Variants in TNFAIP6 observed in about 807,000 individuals in gnomAD.
The protein encoded by TNFAIP6 is tumor necrosis factor-inducible gene 6 protein.
In TNFAIP6, 36 loss-of-function variants were observed where a neutral mutation model predicts 33.7. The observed-to-expected ratio is 1.07, with a 90% confidence interval of 0.82 to 1.41. The LOEUF (loss-of-function observed/expected upper bound fraction) is 1.41. Ranked by LOEUF, TNFAIP6 falls within the 40% of genes most tolerant of loss-of-function variation. The pLI, the probability that TNFAIP6 is intolerant of heterozygous loss-of-function variation, is 0.00. For synonymous variants in TNFAIP6, 113 were observed against 112.8 expected, an observed-to-expected ratio of 1.00 and a Z score of -0.01; for missense variants, 273 against 331.9, an observed-to-expected ratio of 0.82 and a Z score of 1.38.
rs146352192 is a variant in TNFAIP6 at position 151,358,037 on chromosome 2, A to C, written c.94+277A>C. Among the ~76,000 whole-genome samples, 282 of 152,284 alleles carry C rather than the reference A, an allele frequency of 1.9e-3. 4 individuals are homozygous for C. The highest frequency in any genetic ancestry group is 6.5e-3 in the African/African-American group (271 of 41,562). On this transcript the variant is annotated intron_variant, in intron 1 of 5. Transcript: ENST00000243347. ...ATGAAAATATATTTTTAAACTTTTC[A>C]AAGCAGATGTAGTAGTACAGTGAGG...
Position 151,357,602 on chromosome 2 carries a change from C to A in TNFAIP6, c.-65C>A. On this transcript the variant is annotated 5_prime_UTR_variant, in exon 1 of 6. Transcript: ENST00000243347. ...GAAACCAGATGTTTCAGTCACATTT[C>A]AGCCACTGCTCTGAGAATTTGTGAG... is the stretch of plus-strand genomic sequence containing the variant. 2.0e-6 allele frequency: 2 copies of A among 990,464 alleles called. No individual in the cohort carries two copies. The highest frequency in any genetic ancestry group is 3.2e-6 in the Non-Finnish European group (2 of 617,936). The allele number at this position is 990,464 out of a possible 1,614,324, so 61.4% of individuals were successfully genotyped here. A position where few individuals can be genotyped will look rare whatever the true frequency, so the allele number is the denominator to read the frequency against.
At chr2:151,373,744 CA>C (rs35356355) in intron 5 of TNFAIP6, 155 bp downstream of exon 5, 12,176 of 242,218 alleles carry the variant, frequency 0.05, no homozygotes, top group Middle Eastern at 0.098. Context: ...TTGTAAAATG[CA>C]AAAAAAAAAA....
intron 1 of TNFAIP6, among the ~76,000 whole-genome samples, chr2:151,358,164 A>G (rs1328739864): frequency 6.6e-6 from 1 of 152,220 alleles, no homozygotes; most frequent in African/African-American, 2.4e-5. Flanking sequence ...ATTGGAGTCT[A>G]CGAAAATTTT....
chr2:151,373,594 G>T lies in TNFAIP6; in HGVS notation c.664+5G>T. The T allele has an allele frequency of 6.6e-7, 1 of 1,517,802 alleles. No individual in the cohort carries two copies. Among genetic ancestry groups the T allele is most frequent in the Non-Finnish European group, 8.9e-7 (1 of 1,124,148 alleles). The allele number at this position is 1,517,802 out of a possible 1,614,324, so 94.0% of individuals were successfully genotyped here. A position where few individuals can be genotyped will look rare whatever the true frequency, so the allele number is the denominator to read the frequency against. On this transcript the variant is annotated splice_donor_5th_base_variant and intron_variant, in intron 5 of 5. Coordinates refer to ENST00000243347, the MANE Select transcript of TNFAIP6 (RefSeq NM_007115.4). ...CAGATGACATCATCAGTACAGGTAA[G>T]GTTTTAAATTGAGGACCAAAACTAT...
chr2:151,376,865 C>CTTTT (rs71403162), intron 5 of TNFAIP6, among the ~76,000 whole-genome samples: 2,620 of 114,104 alleles, frequency 0.023, 22 homozygotes, highest in East Asian at 0.048. Context: ...TTTTTCTTTT[C>CTTTT]TTTTTTTTTT....
chr2:151,379,303 A>T, intron 5 of TNFAIP6, 61 bp from the exon 6 acceptor site: 2 of 1,436,206 alleles, frequency 1.4e-6, no homozygotes. Flanking sequence ...GAGTCTTTGA[A>T]TTGTCAGCCA....
At chr2:151,365,991 A>G (rs1318361334) in intron 2 of TNFAIP6, 65 bp from the exon 3 acceptor site, 1 of 1,515,674 alleles carries the variant, frequency 6.6e-7, no homozygotes, top group African/African-American at 1.4e-5. Context: ...TATCTTTGCT[A>G]AGATGACTTT....
rs1393926035 is a variant in TNFAIP6, at chr2:151,379,565, T to C, written c.*32T>C. The C allele has an allele frequency of 2.1e-6, 3 of 1,437,612 alleles. No homozygotes were observed. The highest frequency in any genetic ancestry group is 2.9e-5 in the South Asian group (2 of 68,498). The allele number at this position is 1,437,612 out of a possible 1,614,324, so 89.1% of individuals were successfully genotyped here. On this transcript the variant is annotated 3_prime_UTR_variant, in exon 6 of 6. Coordinates refer to ENST00000243347, the MANE Select transcript of TNFAIP6 (RefSeq NM_007115.4). ...AAAAAAGGATGATCAAAACACACAG[T>C]GTTTATGTTGGAATCTTTTGGAACT...
At chr2:151,378,116 T>C (rs1260601424) in intron 5 of TNFAIP6, among the ~76,000 whole-genome samples, 1 of 152,146 alleles carries the variant, frequency 6.6e-6, no homozygotes, top group Non-Finnish European at 1.5e-5. Context: ...ACCCCAACAT[T>C]TTGGGAAGCT....
chr2:151,359,374 G>A (rs1684584964), intron 1 of TNFAIP6, among the ~76,000 whole-genome samples: 2 of 150,780 alleles, frequency 1.3e-5, no homozygotes, highest in Non-Finnish European at 2.9e-5. Flanking sequence ...GAATTGTCTT[G>A]GGCAACTCAT....
At chr2:151,369,600 C>T (rs1478579250) in intron 3 of TNFAIP6, among the ~76,000 whole-genome samples, 1 of 152,070 alleles carries the variant, frequency 6.6e-6, no homozygotes, top group East Asian at 1.9e-4. Flanking sequence ...ATTGCAAGAT[C>T]CATTTCCACA....
chr2:151,360,065 G>A (rs935157682), intron 1 of TNFAIP6, among the ~76,000 whole-genome samples: 1 of 152,162 alleles, frequency 6.6e-6, no homozygotes, highest in Non-Finnish European at 1.5e-5. Context: ...GGAGTCTGAG[G>A]TGGGCAGATT....
intron 1 of TNFAIP6, 152 bp downstream of exon 1, chr2:151,357,912 C>CT (rs372063583): frequency 0.042 from 14,866 of 355,534 alleles, 48 homozygotes; most frequent in East Asian, 0.1. Flanking sequence ...AATACATACG[C>CT]TTTTTTTTTT....
chr2:151,363,443 G>A (rs1461749445), intron 1 of TNFAIP6, among the ~76,000 whole-genome samples: 1 of 151,820 alleles, frequency 6.6e-6, no homozygotes, highest in Non-Finnish European at 1.5e-5. Flanking sequence ...GGATCACGAG[G>A]TCAGGAGATC....
intron 4 of TNFAIP6, among the ~76,000 whole-genome samples, chr2:151,372,454 G>A (rs1263642840): frequency 3.9e-5 from 6 of 151,920 alleles, no homozygotes; most frequent in Non-Finnish European, 7.4e-5. Flanking sequence ...GTGTAAAAGG[G>A]TTCCTTTCAA....
chr2:151,379,054 C>G (rs371121516), intron 5 of TNFAIP6, among the ~76,000 whole-genome samples: 2 of 152,136 alleles, frequency 1.3e-5, no homozygotes, highest in African/African-American at 2.4e-5. Flanking sequence ...GAGCCGAGAT[C>G]GCGCCACAGC....
chr2:151,372,686 G>A lies in TNFAIP6; in HGVS notation c.624-863G>A, dbSNP rs966071587. On this transcript the variant is annotated intron_variant, in intron 4 of 5. Coordinates refer to ENST00000243347, the MANE Select transcript of TNFAIP6 (RefSeq NM_007115.4). ...CGTAATCCTAGCACTTTGGGAGGCC[G>A]AGGCAGTTGGATCACCTGAGGTCAG... 3.9e-5 allele frequency among the ~76,000 whole-genome samples: 6 copies of A among 152,160 alleles called. 1 individual carries two copies. The highest frequency in any genetic ancestry group is 6.3e-3 in the Middle Eastern group (2 of 316).
In TNFAIP6 at chr2:151,376,871, T is replaced by C. The variant is rs943651595; in HGVS notation, c.665-2493T>C. 8.5e-5 allele frequency among the ~76,000 whole-genome samples: 12 copies of C among 141,982 alleles called. No individual in the cohort carries two copies. The South Asian group carries it at 1.1e-3, about 13-fold the overall frequency. The allele number at this position is 141,982 out of a possible 152,430, so 93.1% of individuals were successfully genotyped here. ...TTACATTTCTTTTTCTTTTCTTTTT[T>C]TTTTTTTTTTTTTTGTTTTTTTTGA... On this transcript the variant is annotated intron_variant, in intron 5 of 5. Transcript: ENST00000243347.
chr2:151,365,783 G>A (rs1684698256), intron 2 of TNFAIP6, among the ~76,000 whole-genome samples: 1 of 152,060 alleles, frequency 6.6e-6, no homozygotes, highest in African/African-American at 2.4e-5. Flanking sequence ...AAAGAAGCCA[G>A]CTCTGAACTT....
Sources: allele counts gnomAD v4.1 joint callset (sites outside exome capture counted in the v4.1 genomes callset), GRCh38; gene constraint gnomAD v4.1.1; transcripts MANE v1.5; gene names NCBI Gene and HGNC (gene_info 2026-07-23, HGNC 2026-07-21).